SYNE1: variants seen among roughly 807,000 people sequenced by gnomAD.
SYNE1 encodes the protein spectrin repeat containing nuclear envelope protein 1, also known as nesprin-1.
SYNE1 carries 616 observed loss-of-function variants against 1,111.0 expected under a neutral mutation model. The ratio of observed to expected loss-of-function variants is 0.55; its 90% CI spans 0.52 to 0.59. SYNE1 has a LOEUF of 0.59. Among genes scored for constraint, SYNE1 ranks in the 20% least tolerant of loss-of-function variants. The probability of loss-of-function intolerance (pLI) is 0.00; values close to 1 mark genes in which losing one functional copy is unlikely to be tolerated. For missense variants in SYNE1, 10,006 were observed against 10,417.0 expected (o/e 0.96, Z 1.72); for synonymous variants, 3,855 against 3,825.8 (o/e 1.01, Z -0.28).
intron 10 of SYNE1, among the ~76,000 whole-genome samples, chr6:152,499,660 T>C (rs530498030): frequency 4.6e-5 from 7 of 152,244 alleles, no homozygotes; most frequent in Non-Finnish European, 8.8e-5. Context: ...AACTGTTAAA[T>C]ATAAGCCCTA....
intron 3 of SYNE1, among the ~76,000 whole-genome samples, chr6:152,542,270 G>A (rs2099274753): frequency 6.6e-6 from 1 of 152,040 alleles, no homozygotes; most frequent in Non-Finnish European, 1.5e-5. Flanking sequence ...GAATGAATGA[G>A]TAAAGAAAAT....
intron 14 of SYNE1, among the ~76,000 whole-genome samples, chr6:152,477,126 G>A (rs1333925555): frequency 2.0e-5 from 3 of 152,004 alleles, no homozygotes; most frequent in African/African-American, 7.2e-5. Flanking sequence ...TATCAATATT[G>A]ACCCAATTGC....
At chr6:152,418,708 G>A (rs1267018380) in intron 40 of SYNE1, among the ~76,000 whole-genome samples, 1 of 152,094 alleles carries the variant, frequency 6.6e-6, no homozygotes, top group Non-Finnish European at 1.5e-5. Context: ...TCTGACTAAG[G>A]AAAGTTCCTC....
chr6:152,622,952 G>A (rs1431541049), intron 3 of SYNE1, among the ~76,000 whole-genome samples: 1 of 152,038 alleles, frequency 6.6e-6, no homozygotes, highest in African/African-American at 2.4e-5. Flanking sequence ...TTTCTAGTAA[G>A]AGCCATTCTG....
rs79546765 is a variant in SYNE1, at chr6:152,584,891, G to A, written c.67+43374C>T. On this transcript the variant is annotated intron_variant, in intron 3 of 145. Transcript: ENST00000367255. ...ATAGCTGCATAATGTTGCATGGTAT[G>A]AATGCATTTTTCTATTCATAAAGAG... Among the ~76,000 whole-genome samples, 1,170 of 152,210 alleles carry A rather than the reference G, an allele frequency of 7.7e-3. 17 individuals carry two copies. Among genetic ancestry groups the A allele is most frequent in the African/African-American group, 0.027 (1,107 of 41,522 alleles).
Position 152,433,835 on chromosome 6 carries a change from G to A in SYNE1, c.4421C>T (p.Thr1474Ile). 3.7e-6 allele frequency: 6 copies of A among 1,613,868 alleles called. No individual in the cohort carries two copies. Among genetic ancestry groups the A allele is most frequent in the Non-Finnish European group, 5.1e-6 (6 of 1,179,818 alleles). Reference protein sequence around the residue: ...EKEKELNALETSSSAMDMQIS... With the variant: ...EKEKELNALEISSSAMDMQIS... Reference sequence around the variant, plus strand: ...TTGCATGTCCATGGCAGATGACGAAGTTTCCAAGGCATTGAGTTCTTTTTC... The same window carrying A: ...TTGCATGTCCATGGCAGATGACGAAATTTCCAAGGCATTGAGTTCTTTTTC... The change falls in exon 34 of 146, where the codon ACT becomes ATT. Residue 1474 changes from threonine (T) to isoleucine (I), a missense_variant. Physicochemically the swap from Thr to Ile is moderately conservative, Grantham distance 89. This residue lies in a region of SYNE1 where 1,971 missense variants were observed against 2,084.1 expected (regional missense o/e 0.95). Transcript: ENST00000367255.
intron 104 of SYNE1, among the ~76,000 whole-genome samples, chr6:152,249,547 G>A (rs552511504): frequency 7.2e-5 from 11 of 152,244 alleles, no homozygotes; most frequent in South Asian, 4.1e-4. Context: ...CATTACATCC[G>A]AAATAAATGA....
At chr6:152,636,411 T>C (rs996398200) in intron 2 of SYNE1, among the ~76,000 whole-genome samples, 3 of 152,086 alleles carry the variant, frequency 2.0e-5, no homozygotes, top group South Asian at 2.1e-4. Flanking sequence ...TAGGGACATC[T>C]ACGTACGAGA....
intron 127 of SYNE1, among the ~76,000 whole-genome samples, chr6:152,200,795 C>T (rs1434466141): frequency 1.3e-5 from 2 of 152,202 alleles, no homozygotes; most frequent in African/African-American, 4.8e-5. Context: ...GATAGTACTT[C>T]TTTCACTTTC....
chr6:152,323,168 G>A (rs1010031285), intron 82 of SYNE1, among the ~76,000 whole-genome samples: 1 of 152,122 alleles, frequency 6.6e-6, no homozygotes, highest in Non-Finnish European at 1.5e-5. Context: ...ATGAAAGTAG[G>A]GGCCGGGCGC....
chr6:152,200,792 C>A (rs138868204), intron 127 of SYNE1, among the ~76,000 whole-genome samples: 1 of 152,308 alleles, frequency 6.6e-6, no homozygotes, highest in Non-Finnish European at 1.5e-5. Context: ...CAAGATAGTA[C>A]TTCTTTCACT....
intron 8 of SYNE1, among the ~76,000 whole-genome samples, chr6:152,509,541 G>A (rs942859725): frequency 6.6e-6 from 1 of 152,058 alleles, no homozygotes; most frequent in African/African-American, 2.4e-5. Flanking sequence ...ATAGGCATGA[G>A]TCACTGCGTC....
At chr6:152,609,995 C>T (rs191522715) in intron 3 of SYNE1, among the ~76,000 whole-genome samples, 2 of 152,250 alleles carry the variant, frequency 1.3e-5, no homozygotes, top group African/African-American at 4.8e-5. Context: ...CTGTAGGTCA[C>T]CAACATCAAA....
intron 145 of SYNE1, chr6:152,126,938 C>T (rs1236007188): frequency 1.3e-5 from 2 of 152,170 alleles, no homozygotes; most frequent in African/African-American, 2.4e-5. Flanking sequence ...TGTTACTTTT[C>T]GGCTAACACT....
At position 152,305,103 on chromosome 6, in the gene SYNE1, G is replaced by C. The variant is rs1264925526; in HGVS notation, c.17347-3040C>G. On this transcript the variant is annotated intron_variant, in intron 91 of 145. Transcript: ENST00000367255. Reference sequence around the variant, plus strand: ...TTTATAAAGGTAGGAATTTCAGGTAGAGTGGCCGCTAGAAGACAAGCAGCC... The same window carrying C: ...TTTATAAAGGTAGGAATTTCAGGTACAGTGGCCGCTAGAAGACAAGCAGCC... Among the ~76,000 whole-genome samples, 6 of 152,324 alleles carry C rather than the reference G, an allele frequency of 3.9e-5. No homozygotes were observed. In the East Asian group the frequency reaches 1.2e-3, roughly 29 times the overall value.
At chr6:152,287,542 T>TTTA (rs1374723818) in intron 95 of SYNE1, among the ~76,000 whole-genome samples, 1 of 152,192 alleles carries the variant, frequency 6.6e-6, no homozygotes, top group Non-Finnish European at 1.5e-5. Flanking sequence ...TGCAGCATAC[T>TTTA]TTATTATTAT....
At chr6:152,179,079 A>G (rs1357957660) in intron 129 of SYNE1, among the ~76,000 whole-genome samples, 1 of 151,896 alleles carries the variant, frequency 6.6e-6, no homozygotes, top group East Asian at 1.9e-4. Context: ...ATGCCTGGCT[A>G]ATATTTTGTA....
At chr6:152,221,344 C>G in intron 118 of SYNE1, 82 bp downstream of exon 118, 1 of 1,524,418 alleles carries the variant, frequency 6.6e-7, no homozygotes, top group South Asian at 1.2e-5. Context: ...AGCTCAAATT[C>G]AAACTGTCAT....
chr6:152,233,767 A>C lies in SYNE1; in HGVS notation c.20712+14T>G. On this transcript the variant is annotated intron_variant, in intron 112 of 145. Transcript: ENST00000367255. Reference sequence around the variant, plus strand: ...TAAGTCAGCTATTTCCCACGAAAGCAATCCTTTCTGTACCTGGTGGAGCTT... The same window carrying C: ...TAAGTCAGCTATTTCCCACGAAAGCCATCCTTTCTGTACCTGGTGGAGCTT... 2 of 1,614,200 alleles carry C rather than the reference A, an allele frequency of 1.2e-6. No homozygotes were observed. Among genetic ancestry groups the C allele is most frequent in the Non-Finnish European group, 1.7e-6 (2 of 1,180,034 alleles).
Sources: gnomAD v4.1 joint callset for allele counts (sites outside exome capture counted in the v4.1 genomes callset) on GRCh38, gnomAD v4.1.1 for gene constraint, gnomAD v4.1.1 regional missense constraint, MANE v1.5 for transcripts, NCBI Gene and HGNC (gene_info 2026-07-23, HGNC 2026-07-21) for gene names.